PABPN1L: variants seen among roughly 807,000 people sequenced by gnomAD.
PABPN1L encodes the protein PABPN1 like, cytoplasmic, also known as embryonic polyadenylate-binding protein 2.
A neutral mutation model predicts 34.0 loss-of-function variants in PABPN1L; 45 were observed. That is an observed-to-expected ratio of 1.32 (90% CI 1.04 to 1.70). PABPN1L has a LOEUF of 1.70. Ranked by LOEUF, PABPN1L falls within the 40% of genes most tolerant of loss-of-function variation. PABPN1L has a pLI of 0.00. For synonymous variants in PABPN1L, 182 were observed against 152.1 expected, an observed-to-expected ratio of 1.20 and a Z score of -1.45; for missense variants, 459 against 367.8, an observed-to-expected ratio of 1.25 and a Z score of -2.03.
At chr16:88,863,764 G>C (rs1282898569) in exon 7 of PABPN1L, 2 of 1,535,974 alleles carry the variant, frequency 1.3e-6, no homozygotes, top group Non-Finnish European at 1.7e-6. Flanking sequence ...CTTTAATACG[G>C]TGAAAACCAT....
In PABPN1L at chr16:88,864,955, A is replaced by AGGGGCAGGGAG; in HGVS notation, c.567-16_567-15insCTCCCTGCCCC. 4.0e-6 allele frequency: 5 copies of AGGGGCAGGGAG among 1,250,054 alleles called. No homozygotes were observed. The East Asian group carries it at 7.9e-5, about 20-fold the overall frequency. 77.4% of individuals were successfully genotyped at this position (1,250,054 alleles called of 1,614,324 possible). A position where few individuals can be genotyped will look rare whatever the true frequency, so the allele number is the denominator to read the frequency against. On this transcript the variant is annotated splice_polypyrimidine_tract_variant and intron_variant, in intron 4 of 6. Transcript: ENST00000419291. ...TGTAGGCATAACTGAGGGGAGGGGCAGGGAGGGGAGGGGTGAGGCTGGGCC... is the reference window on the plus strand; with the variant it reads ...TGTAGGCATAACTGAGGGGAGGGGCAGGGGCAGGGAGGGGAGGGGAGGGGTGAGGCTGGGCC...
At chr16:88,865,460 C>T (rs1968568440) in intron 3 of PABPN1L, 103 bp downstream of exon 3, 1 of 1,434,784 alleles carries the variant, frequency 7.0e-7, no homozygotes, top group Non-Finnish European at 9.5e-7. Context: ...AGGGTCAGAC[C>T]CCCTTCCCAG....
chr16:88,865,703 G>C, intron 2 of PABPN1L, 73 bp from the exon 3 acceptor site: 1 of 1,554,116 alleles, frequency 6.4e-7, no homozygotes, highest in Non-Finnish European at 8.7e-7. Context: ...AGGTCGCCCA[G>C]GCTTATAGGG....
chr16:88,868,546 C>A (rs934827090), upstream of PABPN1L, among the ~76,000 whole-genome samples: 78 of 152,082 alleles, frequency 5.1e-4, no homozygotes, highest in Non-Finnish European at 3.4e-4. Context: ...GCAGAGGTTG[C>A]AGTGAGCCGA....
At chr16:88,866,376 C>G (rs1291023457) in exon 1 of PABPN1L, 1 of 1,550,704 alleles carries the variant, frequency 6.4e-7, no homozygotes, top group Admixed American at 2.0e-5. Context: ...GGCACTCAGC[C>G]AGGTTCTCTT....
At chr16:88,866,489 G>A (rs1307302024) in exon 1 of PABPN1L, 4 of 1,551,206 alleles carry the variant, frequency 2.6e-6, no homozygotes, top group East Asian at 2.4e-5. Context: ...TCTGGCCCCA[G>A]AATCTCCTTG....
chr16:88,869,443 C>T (rs7202642), upstream of PABPN1L, among the ~76,000 whole-genome samples: 3,547 of 152,332 alleles, frequency 0.023, 127 homozygotes, highest in African/African-American at 0.078. Context: ...CCTCGAGAGC[C>T]GCTGTCCTCA....
At chr16:88,864,125 C>T in intron 6 of PABPN1L, 112 bp downstream of exon 6, 1 of 1,370,762 alleles carries the variant, frequency 7.3e-7, no homozygotes, top group Non-Finnish European at 9.6e-7. Context: ...CCAGGCCCCG[C>T]CAGGTACATT....
At chr16:88,864,475 G>C (rs1220032517) in intron 5 of PABPN1L, 96 bp from the exon 6 acceptor site, 3 of 1,448,164 alleles carry the variant, frequency 2.1e-6, no homozygotes, top group Non-Finnish European at 2.7e-6. Flanking sequence ...ATGGGGTCCT[G>C]CCCGGCTCAG....
intron 1 of PABPN1L, 45 bp from the exon 2 acceptor site, chr16:88,865,986 T>A: frequency 6.4e-7 from 1 of 1,554,340 alleles, no homozygotes; most frequent in Non-Finnish European, 8.7e-7. Flanking sequence ...CTGCAGGCTC[T>A]GCTCAAGGAA....
intron 5 of PABPN1L, 39 bp downstream of exon 5, chr16:88,864,814 C>T (rs1487979885): frequency 3.2e-6 from 5 of 1,550,276 alleles, no homozygotes; most frequent in Admixed American, 3.7e-5. Flanking sequence ...GCCAGCCCCT[C>T]TGCGCTCATG....
exon 7 of PABPN1L, chr16:88,863,610 G>C: frequency 9.5e-7 from 1 of 1,057,474 alleles, no homozygotes; most frequent in Non-Finnish European, 1.4e-6. Flanking sequence ...CCATCCCCCC[G>C]CCAAGAGGGG....
intron 1 of PABPN1L, 38 bp downstream of exon 1, chr16:88,866,314 G>C: frequency 2.0e-6 from 3 of 1,532,812 alleles, no homozygotes; most frequent in South Asian, 2.4e-5. Flanking sequence ...TGTGCCCCAG[G>C]TCCCCTGAGA....
Position 88,864,998 on chromosome 16 carries a change from G to T in PABPN1L, c.566+24C>A, listed in dbSNP as rs552341537. The T allele has an allele frequency of 2.5e-5, 40 of 1,598,820 alleles. No individual in the cohort carries two copies. In the Admixed American group the frequency reaches 2.8e-4, roughly 11 times the overall value. ...GCTGGGCCCTGTCCGCATGGCCAGTGCCCCCACCAGGCCCCACACTGACCC... is the reference window on the plus strand; with the variant it reads ...GCTGGGCCCTGTCCGCATGGCCAGTTCCCCCACCAGGCCCCACACTGACCC... On this transcript the variant is annotated intron_variant, in intron 4 of 6. Coordinates refer to ENST00000419291, the Ensembl canonical transcript of PABPN1L.
upstream of PABPN1L, among the ~76,000 whole-genome samples, chr16:88,867,560 A>G (rs898271982): frequency 5.3e-5 from 8 of 151,970 alleles, no homozygotes; most frequent in South Asian, 6.2e-4. Context: ...AGCCACTTCC[A>G]TGAGGCCAGA....
upstream of PABPN1L, among the ~76,000 whole-genome samples, chr16:88,869,958 C>T (rs903900126): frequency 2.6e-5 from 4 of 152,242 alleles, no homozygotes; most frequent in African/African-American, 9.6e-5. Context: ...GGGGCCCCAG[C>T]GCCCAGGACA....
chr16:88,867,746 G>A (rs1473749751), upstream of PABPN1L, among the ~76,000 whole-genome samples: 2 of 152,168 alleles, frequency 1.3e-5, no homozygotes, highest in Non-Finnish European at 2.9e-5. Context: ...ACCCGTGTCC[G>A]CCCTTGCGCC....
At chr16:88,864,600 A>AG (rs1046337147) in intron 5 of PABPN1L, among the ~76,000 whole-genome samples, 52 of 151,022 alleles carry the variant, frequency 3.4e-4, no homozygotes, top group Middle Eastern at 3.4e-3. Flanking sequence ...ACCCCTGCAG[A>AG]GGGGGGGGTC....
upstream of PABPN1L, among the ~76,000 whole-genome samples, chr16:88,867,239 T>C (rs1196119760): frequency 1.3e-5 from 2 of 151,784 alleles, no homozygotes; most frequent in Non-Finnish European, 2.9e-5. Context: ...TTTTTTCTTT[T>C]TTTTTTAGGC....
Sources: allele counts gnomAD v4.1 joint callset (sites outside exome capture counted in the v4.1 genomes callset), GRCh38; gene constraint gnomAD v4.1.1; transcripts MANE v1.5; gene names NCBI Gene and HGNC (gene_info 2026-07-23, HGNC 2026-07-21).